HIPK2: variants seen among roughly 807,000 people sequenced by gnomAD.
HIPK2 encodes the protein homeodomain-interacting protein kinase 2.
Under a neutral mutation model 113.7 loss-of-function variants are expected in HIPK2, and 27 were observed. The ratio of observed to expected loss-of-function variants is 0.24; its 90% CI spans 0.17 to 0.33. The LOEUF is 0.33. Ranked by LOEUF, HIPK2 falls within the 10% of genes least tolerant of loss-of-function variation. The pLI is 1.00. For synonymous variants in HIPK2, 631 were observed against 642.2 expected (o/e 0.98, Z 0.26); for missense variants, 1,257 against 1,588.0 (o/e 0.79, Z 3.54).
rs1443078205 is a variant in HIPK2 at position 139,654,674 on chromosome 7, G to A, written c.1104-22949C>T. Among the ~76,000 whole-genome samples the A allele has an allele frequency of 5.9e-5, 9 of 152,128 alleles. No homozygotes were observed. In the East Asian group the frequency reaches 7.7e-4, roughly 13 times the overall value. Reference sequence around the variant, plus strand: ...AAACTCTGAGTGCTGTCTCCATGGCGGGGTTGCAGTCAGTAGCAAGATAAC... The same window carrying A: ...AAACTCTGAGTGCTGTCTCCATGGCAGGGTTGCAGTCAGTAGCAAGATAAC... On this transcript the variant is annotated intron_variant, in intron 2 of 14. Transcript: ENST00000406875.
intron 2 of HIPK2, among the ~76,000 whole-genome samples, chr7:139,707,459 C>T (rs939496522): frequency 5.3e-5 from 8 of 152,218 alleles, no homozygotes; most frequent in Non-Finnish European, 1.0e-4. Context: ...TCTCACAGGG[C>T]GGCATCGAGG....
chr7:139,669,992 C>T (rs943627242), intron 2 of HIPK2, among the ~76,000 whole-genome samples: 3 of 152,140 alleles, frequency 2.0e-5, no homozygotes, highest in East Asian at 1.9e-4. Context: ...CAAATCAAAA[C>T]GGCACACAAT....
chr7:139,737,020 T>C (rs1237524527), intron 1 of HIPK2, among the ~76,000 whole-genome samples: 2 of 152,200 alleles, frequency 1.3e-5, no homozygotes, highest in Non-Finnish European at 1.5e-5. Context: ...CAGCTCGCCT[T>C]GTGGTCCTGA....
At chr7:139,647,643 G>A (rs1801287663) in intron 2 of HIPK2, among the ~76,000 whole-genome samples, 2 of 152,110 alleles carry the variant, frequency 1.3e-5, no homozygotes, top group Admixed American at 6.5e-5. Context: ...AATAGTGGGT[G>A]AAAAGCAGGT....
At chr7:139,614,807 A>G (rs751343940) in intron 7 of HIPK2, among the ~76,000 whole-genome samples, 4 of 152,246 alleles carry the variant, frequency 2.6e-5, no homozygotes, top group Non-Finnish European at 5.9e-5. Flanking sequence ...AAGGCTAAAA[A>G]TTAGGCTAGA....
chr7:139,604,292 C>G lies in HIPK2; in HGVS notation c.2113-69G>C, dbSNP rs1211577682. 6 of 1,545,534 alleles carry G rather than the reference C, an allele frequency of 3.9e-6. No homozygotes were observed. In the East Asian group the frequency reaches 9.1e-5, roughly 23 times the overall value. ...CATAATTGATTTGCATGAACCCACA[C>G]TTATTCTGTGCCTGGGGTTGTGCTA... On this transcript the variant is annotated intron_variant, in intron 9 of 14. Transcript: ENST00000406875.
intron 1 of HIPK2, among the ~76,000 whole-genome samples, chr7:139,737,120 T>C (rs1795960332): frequency 6.6e-6 from 1 of 152,120 alleles, no homozygotes; most frequent in African/African-American, 2.4e-5. Flanking sequence ...ATGAATTCAT[T>C]TCCCTTTTCC....
chr7:139,675,157 G>C (rs1396855128), intron 2 of HIPK2, among the ~76,000 whole-genome samples: 1 of 152,164 alleles, frequency 6.6e-6, no homozygotes, highest in African/African-American at 2.4e-5. Flanking sequence ...GATATATTCT[G>C]ACTAATTCAC....
intron 2 of HIPK2, among the ~76,000 whole-genome samples, chr7:139,698,322 T>C (rs1475793416): frequency 2.0e-5 from 3 of 152,248 alleles, no homozygotes; most frequent in Non-Finnish European, 4.4e-5. Flanking sequence ...TATTCCATTG[T>C]ATGTCTATAC....
At position 139,567,687 on chromosome 7, in the gene HIPK2, G is replaced by A. The variant is rs1183662716; in HGVS notation, c.*5240C>T. ...GGAATGAAGCCTGCAAAGTCCCTGG[G>A]GCTGGAATGTCTTGTGGCCAAGTCA... On this transcript the variant is annotated 3_prime_UTR_variant, in exon 15 of 15. Transcript: ENST00000406875. 1 of 152,198 alleles carries A rather than the reference G, an allele frequency of 6.6e-6. No individual in the cohort carries two copies. The highest frequency in any genetic ancestry group is 2.4e-5 in the African/African-American group (1 of 41,418). 9.4% of individuals were successfully genotyped at this position (152,198 alleles called of 1,614,324 possible). A position where few individuals can be genotyped will look rare whatever the true frequency, so the allele number is the denominator to read the frequency against.
At chr7:139,770,176 A>C (rs1015413174) in intron 1 of HIPK2, among the ~76,000 whole-genome samples, 3 of 152,222 alleles carry the variant, frequency 2.0e-5, no homozygotes, top group African/African-American at 7.2e-5. Context: ...TTTTTGTCAG[A>C]GCCCTATAAA....
chr7:139,672,305 G>GAAATTATA (rs1802330679), intron 2 of HIPK2, among the ~76,000 whole-genome samples: 1 of 152,130 alleles, frequency 6.6e-6, no homozygotes, highest in Non-Finnish European at 1.5e-5. Context: ...AAGTTGGCAT[G>GAAATTATA]AAATTATAAA....
chr7:139,738,740 G>A (rs1796016739), intron 1 of HIPK2, among the ~76,000 whole-genome samples: 1 of 152,114 alleles, frequency 6.6e-6, no homozygotes, highest in South Asian at 2.1e-4. Flanking sequence ...GGTAGTCTTT[G>A]TACTATTTTT....
In HIPK2 at chr7:139,714,021, C is replaced by T. The variant is rs1000084744; in HGVS notation, c.1103+1911G>A. Among the ~76,000 whole-genome samples, 5 of 152,230 alleles carry T rather than the reference C, an allele frequency of 3.3e-5. No individual in the cohort carries two copies. Among genetic ancestry groups the T allele is most frequent in the African/African-American group, 1.2e-4 (5 of 41,454 alleles). On this transcript the variant is annotated intron_variant, in intron 2 of 14. Transcript: ENST00000406875. This position sits in a 1 kb window ranked among gnomAD's most constrained non-coding sequence, Gnocchi z 4.2. The stretch of plus-strand genomic sequence containing the variant: ...AGGCTCCTGCCCTGGGCTTACTTCT[C>T]CCTGCCATTGGCTCTGGGGCCAGCG...
At chr7:139,768,973 A>G (rs1796600612) in intron 1 of HIPK2, among the ~76,000 whole-genome samples, 1 of 152,186 alleles carries the variant, frequency 6.6e-6, no homozygotes, top group East Asian at 1.9e-4. Flanking sequence ...ACTGAATAAT[A>G]ACGCATGAAG....
At chr7:139,725,413 G>A (rs576734807) in intron 1 of HIPK2, among the ~76,000 whole-genome samples, 1 of 152,316 alleles carries the variant, frequency 6.6e-6, no homozygotes, top group East Asian at 1.9e-4. Context: ...GGCCAGCACT[G>A]CGGTCTCTGT....
At chr7:139,718,595 T>C (rs912147364) in intron 1 of HIPK2, among the ~76,000 whole-genome samples, 2 of 152,204 alleles carry the variant, frequency 1.3e-5, no homozygotes, top group Non-Finnish European at 2.9e-5. Flanking sequence ...AAGTTCCCGA[T>C]TCTCATGATC....
At chr7:139,617,846 G>A (rs1303271176) in intron 7 of HIPK2, among the ~76,000 whole-genome samples, 3 of 152,178 alleles carry the variant, frequency 2.0e-5, no homozygotes, top group Admixed American at 1.3e-4. Flanking sequence ...ATATTGTATT[G>A]CTTCTAAATA....
At chr7:139,640,983 C>G (rs1800996516) in intron 2 of HIPK2, among the ~76,000 whole-genome samples, 1 of 152,162 alleles carries the variant, frequency 6.6e-6, no homozygotes. Flanking sequence ...AAAGCATATA[C>G]ACTAAACAAC....
Sources: allele counts gnomAD v4.1 joint callset (sites outside exome capture counted in the v4.1 genomes callset), GRCh38; gene constraint gnomAD v4.1.1; non-coding constraint Gnocchi (gnomAD v3.1); transcripts MANE v1.5; gene names NCBI Gene and HGNC (gene_info 2026-07-23, HGNC 2026-07-21).